Variants in MAP3K19 observed in about 807,000 individuals in gnomAD.
The protein encoded by MAP3K19 is SPS1/STE20-related protein kinase YSK4.
MAP3K19 carries 91 observed loss-of-function variants against 114.4 expected under a neutral mutation model. The observed-to-expected ratio is 0.80, with a 90% CI of 0.67 to 0.95. The LOEUF is 0.95. Among genes scored for constraint, MAP3K19 ranks in the 40% least tolerant of loss-of-function variants. The pLI is 0.00. For missense variants in MAP3K19, 1,471 were observed against 1,573.2 expected (o/e 0.94, Z 1.10); for synonymous variants, 518 against 530.5 (o/e 0.98, Z 0.32).
rs200291635 is a variant in MAP3K19, at chr2:134,983,635, G to T, written c.3222+41C>A. On this transcript the variant is annotated intron_variant, in intron 11 of 12. Coordinates refer to ENST00000392915, the MANE Select transcript of MAP3K19 (RefSeq NM_025052.5). ...GAGGGGTGGAGGGAGGGACTGTGGGGGGGTGGGGAGTGCTGATTTCAAGTT... is the reference window on the plus strand; with the variant it reads ...GAGGGGTGGAGGGAGGGACTGTGGGTGGGTGGGGAGTGCTGATTTCAAGTT... 33 of 1,480,250 alleles carry T rather than the reference G, an allele frequency of 2.2e-5. 1 individual carries two copies. The African/African-American group carries it at 3.3e-4, about 15-fold the overall frequency. The allele number at this position is 1,480,250 out of a possible 1,614,324, so 91.7% of individuals were successfully genotyped here. A position where few individuals can be genotyped will look rare whatever the true frequency, so the allele number is the denominator to read the frequency against.
intron 12 of MAP3K19, among the ~76,000 whole-genome samples, chr2:134,967,253 G>A (rs569249756): frequency 2.7e-4 from 41 of 152,256 alleles, no homozygotes; most frequent in African/African-American, 9.6e-4. Flanking sequence ...TGAAAGCGCC[G>A]TATTGTCCAA....
At chr2:135,023,332 C>A in intron 4 of MAP3K19, 1 of 442,096 alleles carries the variant, frequency 2.3e-6, no homozygotes, top group Non-Finnish European at 4.7e-6. Flanking sequence ...CCGCTCCTCT[C>A]TATCTGCGGG....
intron 8 of MAP3K19, among the ~76,000 whole-genome samples, chr2:134,992,080 A>G (rs1867835): frequency 0.28 from 42,935 of 152,062 alleles, 6,738 homozygotes; most frequent in Middle Eastern, 0.62. Flanking sequence ...CAGGAGAAAG[A>G]TGACTCTATG....
At chr2:135,011,600 C>A (rs1687239795) in intron 5 of MAP3K19, among the ~76,000 whole-genome samples, 1 of 151,576 alleles carries the variant, frequency 6.6e-6, no homozygotes, top group Non-Finnish European at 1.5e-5. Context: ...CACGGTGGCT[C>A]ACACCTGTAA....
rs772424337 is a variant in MAP3K19, at chr2:134,981,415, T to C, written c.3326A>G (p.Gln1109Arg). The stretch of plus-strand genomic sequence containing the variant: ...TGCTTTGAGCAAATCTACTTCTTCC[T>C]GTAGTTTCCGGTATTCCTTTTCAGC... ...LAAEKEYRKL[Q>R]EEVDLLKALK... Residue 1109 changes from glutamine (Q) to arginine (R), a missense_variant, in exon 12 of 13, where the codon CAG becomes CGG. Gln to Arg is a conservative substitution (Grantham distance 43). Coordinates refer to ENST00000392915, the MANE Select transcript of MAP3K19 (RefSeq NM_025052.5). 6.2e-7 allele frequency: 1 copy of C among 1,614,242 alleles called. No individual in the cohort carries two copies.
At chr2:135,010,028 A>C (rs1190934847) in intron 5 of MAP3K19, among the ~76,000 whole-genome samples, 1 of 152,134 alleles carries the variant, frequency 6.6e-6, no homozygotes, top group Non-Finnish European at 1.5e-5. Flanking sequence ...AGACTGTGAA[A>C]TCTGGGTCCA....
At chr2:134,991,705 G>A in intron 8 of MAP3K19, 125 bp from the exon 9 acceptor site, 1 of 767,992 alleles carries the variant, frequency 1.3e-6, no homozygotes, top group Non-Finnish European at 2.2e-6. Flanking sequence ...GAAATTGGAG[G>A]TTTCCCCTGT....
chr2:134,978,520 G>A (rs938022905), intron 12 of MAP3K19, among the ~76,000 whole-genome samples: 83 of 152,100 alleles, frequency 5.5e-4, no homozygotes, highest in African/African-American at 2.0e-3. Flanking sequence ...ATTTTTAAAT[G>A]TGTCCTTCCA....
At position 134,987,710 on chromosome 2, in the gene MAP3K19, A is replaced by G. The variant is rs777556213; in HGVS notation, c.1162T>C (p.Cys388Arg). ...KNYEQDPEIV[C>R]TIPSKFQETQ... ...TCTTGGAACTTGCTTGGAATGGTAC[A>G]TACTATTTCTGGATCTTGTTCATAG... The change falls in exon 10 of 13, where the codon TGT becomes CGT. Residue 388 changes from cysteine (C) to arginine (R), a missense_variant. Coordinates refer to ENST00000392915, the MANE Select transcript of MAP3K19 (RefSeq NM_025052.5). 6 of 1,612,434 alleles carry G rather than the reference A, an allele frequency of 3.7e-6. No individual in the cohort carries two copies. The highest frequency in any genetic ancestry group is 2.7e-5 in the African/African-American group (2 of 74,914).
chr2:135,014,221 G>A (rs1175525744), intron 5 of MAP3K19, among the ~76,000 whole-genome samples: 1 of 152,112 alleles, frequency 6.6e-6, no homozygotes, highest in South Asian at 2.1e-4. Context: ...GAGCCTGGTG[G>A]AGCATGCCTG....
At chr2:134,975,394 G>T (rs1191109743) in intron 12 of MAP3K19, among the ~76,000 whole-genome samples, 2 of 152,154 alleles carry the variant, frequency 1.3e-5, no homozygotes, top group Admixed American at 1.3e-4. Flanking sequence ...ACAGATACCA[G>T]CAGTGATAGG....
intron 12 of MAP3K19, among the ~76,000 whole-genome samples, chr2:134,977,219 T>C (rs1321155171): frequency 2.6e-5 from 4 of 151,242 alleles, no homozygotes; most frequent in African/African-American, 9.7e-5. Flanking sequence ...TCTCATTCTG[T>C]TGCCAAAGCT....
chr2:134,983,441 CCCT>C lies in MAP3K19; in HGVS notation c.3222+232_3222+234del, dbSNP rs1382281437. ...CCAGATCCTGATGACATTGTCTGAT[CCCT>C]GAAGCCTCCTGGACCCAGAGCCAGA... On this transcript the variant is annotated intron_variant, in intron 11 of 12. Transcript: ENST00000392915. 22 of 593,072 alleles carry C rather than the reference CCCT, an allele frequency of 3.7e-5. 1 individual carries two copies. Among genetic ancestry groups the C allele is most frequent in the Non-Finnish European group, 5.9e-5 (19 of 321,006 alleles). The allele number at this position is 593,072 out of a possible 1,614,324, so 36.7% of individuals were successfully genotyped here.
chr2:134,985,934 G>T lies in MAP3K19; in HGVS notation c.2938C>A (p.Leu980Ile), dbSNP rs140544677. ...CAAGAGTTGTTATCTTTCTCATCAA[G>T]AGCTAATAATTCTGCAGCTAGACAA... ...LGCLAAELLA[L>I]DEKDNNSCQK... The change falls in exon 10 of 13, where the codon CTT becomes ATT. Residue 980 changes from leucine (L) to isoleucine (I), a missense_variant. By Grantham distance (5) the Leu-to-Ile change is conservative. Coordinates refer to ENST00000392915, the MANE Select transcript of MAP3K19 (RefSeq NM_025052.5). The T allele has an allele frequency of 2.5e-6, 4 of 1,614,094 alleles. No homozygotes were observed. In the African/African-American group the frequency reaches 4.0e-5, roughly 16 times the overall value.
intron 5 of MAP3K19, among the ~76,000 whole-genome samples, chr2:135,006,850 A>G (rs926179320): frequency 8.0e-5 from 12 of 149,750 alleles, no homozygotes; most frequent in African/African-American, 1.7e-4. Context: ...GAGAGAGAGA[A>G]AAAAGAAAAG....
At chr2:134,994,203 A>T (rs1234529933) in intron 8 of MAP3K19, among the ~76,000 whole-genome samples, 1 of 152,236 alleles carries the variant, frequency 6.6e-6, no homozygotes, top group Non-Finnish European at 1.5e-5. Context: ...AACATTTTGG[A>T]CAGAGAAAAC....
chr2:134,989,415 T>C (rs1685399002), intron 9 of MAP3K19, among the ~76,000 whole-genome samples: 1 of 152,218 alleles, frequency 6.6e-6, no homozygotes, highest in African/African-American at 2.4e-5. Flanking sequence ...AAATGGAACC[T>C]GACTCTAGAA....
At chr2:134,993,635 C>A (rs1685766627) in intron 8 of MAP3K19, among the ~76,000 whole-genome samples, 1 of 152,088 alleles carries the variant, frequency 6.6e-6, no homozygotes, top group South Asian at 2.1e-4. Flanking sequence ...TAATGGATAG[C>A]ATCCTGAATT....
chr2:135,031,479 T>TCTCCACCCAC (rs1243125225), intron 2 of MAP3K19, among the ~76,000 whole-genome samples: 1 of 152,072 alleles, frequency 6.6e-6, no homozygotes, highest in Non-Finnish European at 1.5e-5. Context: ...GAAGGAGATG[T>TCTCCACCCAC]GGGTGGAGAA....
Sources: gnomAD v4.1 joint callset for allele counts (sites outside exome capture counted in the v4.1 genomes callset) on GRCh38, gnomAD v4.1.1 for gene constraint, MANE v1.5 for transcripts, NCBI Gene and HGNC (gene_info 2026-07-23, HGNC 2026-07-21) for gene names.